Variants in MYLK observed in about 807,000 individuals in gnomAD.
MYLK encodes the protein myosin light chain kinase.
A neutral mutation model predicts 203.4 loss-of-function variants in MYLK; 106 were observed. That is an observed-to-expected ratio of 0.52 (90% CI 0.45 to 0.61). The LOEUF (loss-of-function observed/expected upper bound fraction) is 0.61. Ranked by LOEUF, MYLK falls within the 20% of genes least tolerant of loss-of-function variation. The pLI, the probability that MYLK is intolerant of heterozygous loss-of-function variation, is 0.00. For synonymous variants in MYLK, 867 were observed against 959.5 expected (o/e 0.90, Z 1.78); for missense variants, 2,072 against 2,442.3 (o/e 0.85, Z 3.20).
intron 1 of MYLK, among the ~76,000 whole-genome samples, chr3:123,881,070 CAGGTGGG>C (rs1274917956): frequency 2.6e-5 from 4 of 152,172 alleles, no homozygotes; most frequent in Admixed American, 2.0e-4. Flanking sequence ...CAGAATGGTG[CAGGTGGG>C]AGAGGGGCGT....
chr3:123,881,405 A>C (rs1362921059), intron 1 of MYLK, among the ~76,000 whole-genome samples: 1 of 152,072 alleles, frequency 6.6e-6, no homozygotes, highest in Admixed American at 6.6e-5. Flanking sequence ...GATACTTTTT[A>C]AGTGTTGTTT....
intron 23 of MYLK, chr3:123,659,592 C>T: frequency 2.2e-6 from 1 of 452,830 alleles, no homozygotes; most frequent in Non-Finnish European, 4.5e-6. Flanking sequence ...CACTCCTCCA[C>T]CTGCCTTTAG....
intron 4 of MYLK, among the ~76,000 whole-genome samples, chr3:123,779,461 G>A (rs1463591725): frequency 6.6e-6 from 1 of 152,134 alleles, no homozygotes; most frequent in Non-Finnish European, 1.5e-5. Flanking sequence ...GCATTTGGTG[G>A]CCGGGTTGAG....
chr3:123,795,237 G>A (rs2064942898), intron 3 of MYLK, among the ~76,000 whole-genome samples: 1 of 152,136 alleles, frequency 6.6e-6, no homozygotes, highest in Admixed American at 6.5e-5. Context: ...AGGGGGAAAA[G>A]TTGCTTTTAA....
chr3:123,689,457 T>G (rs1032842334), intron 19 of MYLK, among the ~76,000 whole-genome samples: 1 of 152,016 alleles, frequency 6.6e-6, no homozygotes, highest in African/African-American at 2.4e-5. Flanking sequence ...TGTCAGGCTG[T>G]GGAAAGGAAC....
intron 3 of MYLK, among the ~76,000 whole-genome samples, chr3:123,803,222 AGC>A (rs1426876614): frequency 6.6e-5 from 10 of 152,246 alleles, no homozygotes; most frequent in African/African-American, 2.4e-4. Flanking sequence ...TACGAGGGTC[AGC>A]AACGTGCATA....
At chr3:123,827,650 G>C (rs1319910757) in intron 3 of MYLK, among the ~76,000 whole-genome samples, 1 of 126,646 alleles carries the variant, frequency 7.9e-6, no homozygotes, top group Non-Finnish European at 1.6e-5. Context: ...TACAAGAAAT[G>C]CTCAAGGGAT....
rs1411470466 is a variant in MYLK at position 123,648,627 on chromosome 3, C to T, written c.4415+344G>A. ...ATTAGCTCTTCTCCCTAATGTTCTG[C>T]TCCCCGCACCCCCTGCTCTCCCCTG... is the stretch of plus-strand genomic sequence containing the variant. On this transcript the variant is annotated intron_variant, in intron 26 of 33. Coordinates refer to ENST00000360304, the MANE Select transcript of MYLK (RefSeq NM_053025.4). The surrounding 1 kb of genome is among the most constrained non-coding windows in gnomAD (Gnocchi z 4.5). Among the ~76,000 whole-genome samples the T allele has an allele frequency of 2.0e-5, 3 of 152,166 alleles. No individual in the cohort carries two copies. The highest frequency in any genetic ancestry group is 7.2e-5 in the African/African-American group (3 of 41,418).
At chr3:123,685,917 A>ACCCCAGACTCGGAG (rs1255397584) in intron 19 of MYLK, among the ~76,000 whole-genome samples, 4 of 152,218 alleles carry the variant, frequency 2.6e-5, no homozygotes, top group Admixed American at 6.5e-5. Context: ...AACTAGGCAC[A>ACCCCAGACTCGGAG]CCCCAGACTC....
intron 2 of MYLK, among the ~76,000 whole-genome samples, chr3:123,836,376 A>G (rs2066475578): frequency 1.3e-5 from 2 of 152,242 alleles, no homozygotes; most frequent in Non-Finnish European, 1.5e-5. Context: ...ATATGTTTTG[A>G]AAATACATGT....
rs1167131241 is a variant in MYLK at position 123,732,972 on chromosome 3, C to T, written c.1440G>A (p.Arg480=). The change falls in exon 11 of 34, where the codon AGG becomes AGA. Residue 480 remains arginine, a synonymous_variant. Transcript: ENST00000360304. The part of the protein sequence containing the change: ...HYLCLLKART[R]DSGTYSCTAS... ...CAGTGCAGCTGTATGTCCCACTGTC[C>T]CTGGTCCGGGCTTTCAGCAGGCAGA... is the stretch of plus-strand genomic sequence containing the variant. 1 of 1,614,158 alleles carries T rather than the reference C, an allele frequency of 6.2e-7. No homozygotes were observed. Among genetic ancestry groups the T allele is most frequent in the Non-Finnish European group, 8.5e-7 (1 of 1,180,030 alleles).
chr3:123,713,581 G>GTA (rs1491517928), intron 13 of MYLK, among the ~76,000 whole-genome samples: 491 of 8,944 alleles, frequency 0.055, 9 homozygotes, highest in South Asian at 0.31. Context: ...GCAACACAAT[G>GTA]TGTGTGTGTG....
At chr3:123,882,631 G>A (rs1334764704) in intron 1 of MYLK, among the ~76,000 whole-genome samples, 1 of 152,124 alleles carries the variant, frequency 6.6e-6, no homozygotes. Flanking sequence ...AGACAGACCT[G>A]CACATCTTGG....
chr3:123,747,597 G>A (rs1281171025), intron 5 of MYLK, among the ~76,000 whole-genome samples: 1 of 152,208 alleles, frequency 6.6e-6, no homozygotes, highest in Non-Finnish European at 1.5e-5. Flanking sequence ...CTGTGGACCA[G>A]CAGCATGGCA....
At chr3:123,664,801 T>C (rs1220492706) in intron 22 of MYLK, among the ~76,000 whole-genome samples, 1 of 152,208 alleles carries the variant, frequency 6.6e-6, no homozygotes, top group Non-Finnish European at 1.5e-5. Flanking sequence ...AATGAAGTAC[T>C]GATTCATGTT....
Position 123,708,738 on chromosome 3 carries a change from G to T in MYLK, c.2100C>A (p.Ser700Arg). 3 of 1,614,150 alleles carry T rather than the reference G, an allele frequency of 1.9e-6. No individual in the cohort carries two copies. The highest frequency in any genetic ancestry group is 2.5e-6 in the Non-Finnish European group (3 of 1,180,032). The change falls in exon 15 of 34, where the codon AGC becomes AGA. Residue 700 changes from serine (S) to arginine (R), a missense_variant. By Grantham distance (110) the Ser-to-Arg change is moderately radical. This residue lies in a region of MYLK where 865 missense variants were observed against 1,016.0 expected (regional missense o/e 0.85). Coordinates refer to ENST00000360304, the MANE Select transcript of MYLK (RefSeq NM_053025.4). Reference sequence around the variant, plus strand: ...CGGCCTGGGTGCGGACCTCTCCAGCGCTGTTCCAGGCCTCGCAGGTGTACG... The same window carrying T: ...CGGCCTGGGTGCGGACCTCTCCAGCTCTGTTCCAGGCCTCGCAGGTGTACG... The part of the protein sequence containing the change: ...TGTYTCEAWN[S>R]AGEVRTQAVL...
intron 23 of MYLK, among the ~76,000 whole-genome samples, chr3:123,661,986 G>A (rs185567337): frequency 2.6e-5 from 4 of 152,188 alleles, no homozygotes; most frequent in South Asian, 2.1e-4. Flanking sequence ...CTTTATCCTC[G>A]TGTCTTCCTT....
intron 3 of MYLK, among the ~76,000 whole-genome samples, chr3:123,824,085 ATTGT>A (rs2066030170): frequency 6.9e-6 from 1 of 145,732 alleles, no homozygotes; most frequent in Non-Finnish European, 1.5e-5. Context: ...ATTGTACTTT[ATTGT>A]TTCTTTTTTT....
intron 16 of MYLK, among the ~76,000 whole-genome samples, chr3:123,704,106 C>A (rs1452414353): frequency 6.6e-6 from 1 of 152,212 alleles, no homozygotes; most frequent in Non-Finnish European, 1.5e-5. Context: ...CAGCCCCAGG[C>A]CTTACCCTGT....
Sources: allele counts gnomAD v4.1 joint callset (sites outside exome capture counted in the v4.1 genomes callset), GRCh38; gene constraint gnomAD v4.1.1; regional missense constraint gnomAD v4.1.1; non-coding constraint Gnocchi (gnomAD v3.1); transcripts MANE v1.5; gene names NCBI Gene and HGNC (gene_info 2026-07-23, HGNC 2026-07-21).